Variants in PAXIP1 observed in about 807,000 individuals in gnomAD.
The protein encoded by PAXIP1 is PAX-interacting protein 1.
PAXIP1 carries 19 observed loss-of-function variants against 140.6 expected under a neutral mutation model. The ratio of observed to expected loss-of-function variants is 0.14; its 90% CI spans 0.09 to 0.20. The LOEUF is 0.20. PAXIP1 is among the 10% of genes least tolerant of loss of function. The pLI is 1.00. For synonymous variants in PAXIP1, 442 were observed against 444.6 expected (o/e 0.99, Z 0.07); for missense variants, 920 against 1,208.6 (o/e 0.76, Z 3.54).
Position 154,993,738 on chromosome 7 carries a change from C to A in PAXIP1, c.248G>T (p.Gly83Val). 6.3e-7 allele frequency: 1 copy of A among 1,593,050 alleles called. No homozygotes were observed. The highest frequency in any genetic ancestry group is 8.5e-7 in the Non-Finnish European group (1 of 1,170,098). The change falls in exon 3 of 21, where the codon GGA (glycine) becomes GTA (valine). Residue 83 changes from glycine (G) to valine (V), a missense_variant. Around this residue, in one of 5 missense-constraint regions of PAXIP1, gnomAD observed 419 missense variants for 514.7 expected, o/e 0.81. Transcript: ENST00000404141. ...PSWVILSVQC[G>V]TLLPVNGFSP... is the part of the protein sequence containing the mutation. The stretch of plus-strand genomic sequence containing the variant: ...AAAAAAAGGATACGGCAGAAGAGTT[C>A]CACACTGAACGGACAGAATCACCCA...
intron 9 of PAXIP1, 102 bp from the exon 10 acceptor site, chr7:154,962,560 C>A: frequency 1.0e-6 from 1 of 1,001,616 alleles, no homozygotes; most frequent in Non-Finnish European, 1.4e-6. Context: ...TCATTGGAAG[C>A]CCCATAAAAG....
chr7:154,979,070 A>T (rs765527509), intron 5 of PAXIP1, among the ~76,000 whole-genome samples: 4 of 152,234 alleles, frequency 2.6e-5, no homozygotes, highest in Non-Finnish European at 4.4e-5. Flanking sequence ...GAAAGACAGT[A>T]ACTGTTTAAA....
chr7:154,969,100 C>T lies in PAXIP1; in HGVS notation c.1101G>A (p.Thr367=), dbSNP rs774556449. The part of the protein sequence containing the change: ...AHILQTLSAP[T]KNLEQQVNHS... ...GATTCACCTGCTGTTCTAAATTTTT[C>T]GTAGGTGCTGAAAGAGTCTGTAAGA... The change falls in exon 7 of 21, where the codon ACG becomes ACA. Residue 367 remains threonine, a synonymous_variant. Coordinates refer to ENST00000404141, the MANE Select transcript of PAXIP1 (RefSeq NM_007349.4). 276 of 1,485,838 alleles carry T rather than the reference C, an allele frequency of 1.9e-4. No homozygotes were observed. The highest frequency in any genetic ancestry group is 5.0e-4 in the South Asian group (36 of 72,660). The allele number at this position is 1,485,838 out of a possible 1,614,324, so 92.0% of individuals were successfully genotyped here. A position where few individuals can be genotyped will look rare whatever the true frequency, so the allele number is the denominator to read the frequency against.
At chr7:154,968,375 G>A (rs1222715477) in intron 7 of PAXIP1, 28 bp downstream of exon 7, 5 of 1,506,208 alleles carry the variant, frequency 3.3e-6, no homozygotes, top group Non-Finnish European at 8.9e-7. Flanking sequence ...ACTTTTAGGA[G>A]AGAGGAAAAA....
At chr7:154,957,349 A>G in intron 13 of PAXIP1, 55 bp from the exon 14 acceptor site, 1 of 896,552 alleles carries the variant, frequency 1.1e-6, no homozygotes, top group Non-Finnish European at 1.8e-6. Context: ...GTAATACAGT[A>G]GCTTCCAGAA....
chr7:154,948,623 C>A (rs960368353), intron 16 of PAXIP1: 3 of 150,936 alleles, frequency 2.0e-5, no homozygotes, highest in Non-Finnish European at 4.4e-5. Context: ...AAAATATGAA[C>A]CCTCTTCCCA....
chr7:154,993,860 T>A (rs999103074), intron 2 of PAXIP1, 91 bp from the exon 3 acceptor site: 2 of 891,562 alleles, frequency 2.2e-6, no homozygotes, highest in African/African-American at 3.4e-5. Context: ...TAAAAGTCTC[T>A]GTTACAACCT....
chr7:154,969,189 C>T, intron 6 of PAXIP1, 63 bp from the exon 7 acceptor site: 1 of 1,418,774 alleles, frequency 7.0e-7, no homozygotes, highest in Non-Finnish European at 9.2e-7. Context: ...ATGATAATTT[C>T]TTAGTCAAGA....
chr7:154,987,846 C>G (rs1318989769), intron 4 of PAXIP1, among the ~76,000 whole-genome samples: 1 of 152,144 alleles, frequency 6.6e-6, no homozygotes, highest in Non-Finnish European at 1.5e-5. Flanking sequence ...TGCTAAGTCC[C>G]ATGTTGTATC....
intron 6 of PAXIP1, among the ~76,000 whole-genome samples, chr7:154,971,533 C>T (rs988998584): frequency 1.3e-5 from 2 of 152,228 alleles, no homozygotes; most frequent in Non-Finnish European, 2.9e-5. Context: ...TTCATCCGAT[C>T]ACTTTTTCAA....
chr7:154,978,506 T>TA (rs1337223210), intron 5 of PAXIP1, among the ~76,000 whole-genome samples: 1 of 152,212 alleles, frequency 6.6e-6, no homozygotes, highest in African/African-American at 2.4e-5. Flanking sequence ...ATGCTGTTCT[T>TA]AAATATTTAA....
In PAXIP1 at chr7:154,961,562, A is replaced by G. The variant is rs1307244883; in HGVS notation, c.2214T>C (p.Tyr738=). Reference sequence around the variant, plus strand: ...TGAGGACTGTGTTGCTGCGGCATAGATAACCCGTATATTTGGCACCTGCCA... The same window carrying G: ...TGAGGACTGTGTTGCTGCGGCATAGGTAACCCGTATATTTGGCACCTGCCA... ...AYLAGAKYTG[Y]LCRSNTVLIC... The change falls in exon 11 of 21, where the codon TAT becomes TAC. Residue 738 remains tyrosine (Y), a synonymous_variant. Coordinates refer to ENST00000404141, the MANE Select transcript of PAXIP1 (RefSeq NM_007349.4). The G allele has an allele frequency of 1.2e-6, 2 of 1,607,488 alleles. No individual in the cohort carries two copies. The highest frequency in any genetic ancestry group is 2.2e-5 in the South Asian group (2 of 89,710).
At chr7:154,989,999 T>C (rs1010164100) in intron 4 of PAXIP1, among the ~76,000 whole-genome samples, 1 of 152,068 alleles carries the variant, frequency 6.6e-6, no homozygotes, top group African/African-American at 2.4e-5. Context: ...CACCTTTATG[T>C]GTCAGTCTGT....
At chr7:154,944,276 A>C in intron 20 of PAXIP1, 112 bp from the exon 21 acceptor site, 1 of 910,658 alleles carries the variant, frequency 1.1e-6, no homozygotes, top group East Asian at 2.7e-5. Flanking sequence ...GGAATGCTAC[A>C]GCCTCTTTCT....
chr7:154,952,379 TC>T (rs1808311969), intron 16 of PAXIP1, among the ~76,000 whole-genome samples: 1 of 152,216 alleles, frequency 6.6e-6, no homozygotes, highest in South Asian at 2.1e-4. Flanking sequence ...TGCCTTGCCT[TC>T]CTGTTCCAGC....
chr7:154,993,946 A>G (rs2150784970), intron 2 of PAXIP1, among the ~76,000 whole-genome samples, 177 bp from the exon 3 acceptor site: 1 of 152,360 alleles, frequency 6.6e-6, no homozygotes, highest in East Asian at 1.9e-4. Context: ...ACTAATACCC[A>G]AGATGAAAAA....
rs117518226 is a variant in PAXIP1, at chr7:154,962,039, G to A, written c.2127+282C>T. Among the ~76,000 whole-genome samples, 1,681 of 152,344 alleles carry A rather than the reference G, an allele frequency of 0.011. 13 individuals are homozygous for A. The highest frequency in any genetic ancestry group is 0.027 in the Admixed American group (413 of 15,302). On this transcript the variant is annotated intron_variant, in intron 10 of 20. Coordinates refer to ENST00000404141, the MANE Select transcript of PAXIP1 (RefSeq NM_007349.4). ...TTGATTAGTTAACCCAACAGGGGCCGCCTTTGGTGCAAGACATCTGATTTA... is the reference window on the plus strand; with the variant it reads ...TTGATTAGTTAACCCAACAGGGGCCACCTTTGGTGCAAGACATCTGATTTA...
intron 4 of PAXIP1, among the ~76,000 whole-genome samples, chr7:154,988,950 A>G (rs1336814226): frequency 6.6e-6 from 1 of 152,248 alleles, no homozygotes; most frequent in East Asian, 1.9e-4. Flanking sequence ...AACAATAAAA[A>G]TTACATGTAA....
chr7:154,947,606 C>T, intron 17 of PAXIP1: 1 of 303,312 alleles, frequency 3.3e-6, no homozygotes, highest in South Asian at 5.7e-5. Flanking sequence ...TGCCTCTTAA[C>T]CAATTACTCA....
Sources: allele counts gnomAD v4.1 joint callset (sites outside exome capture counted in the v4.1 genomes callset), GRCh38; gene constraint gnomAD v4.1.1; regional missense constraint gnomAD v4.1.1; transcripts MANE v1.5; gene names NCBI Gene and HGNC (gene_info 2026-07-23, HGNC 2026-07-21).